The following HCRTR2 variants were observed in gnomAD, a reference collection of about 807,000 sequenced individuals.
The protein encoded by HCRTR2 is hypocretin receptor 2.
In HCRTR2, 22 loss-of-function variants were observed where a neutral mutation model predicts 49.0. The ratio of observed to expected loss-of-function variants is 0.45; its 90% CI spans 0.32 to 0.64. HCRTR2 has a LOEUF of 0.64. Ranked by LOEUF, HCRTR2 falls within the 30% of genes least tolerant of loss-of-function variation. HCRTR2 has a pLI of 0.04. For missense variants in HCRTR2, 491 were observed against 559.4 expected, an observed-to-expected ratio of 0.88 and a Z score of 1.23; for synonymous variants, 236 against 205.3, an observed-to-expected ratio of 1.15 and a Z score of -1.28.
At chr6:55,233,637 A>G (rs1258993581) in intron 1 of HCRTR2, among the ~76,000 whole-genome samples, 2 of 152,104 alleles carry the variant, frequency 1.3e-5, no homozygotes, top group Non-Finnish European at 2.9e-5. Flanking sequence ...AGAGGTTACA[A>G]TGAGGGAGGA....
intron 6 of HCRTR2, among the ~76,000 whole-genome samples, chr6:55,281,286 T>C (rs561099920): frequency 3.9e-5 from 6 of 152,254 alleles, no homozygotes; most frequent in African/African-American, 1.2e-4. Context: ...ACAAATTAGA[T>C]TGATGAGAAA....
chr6:55,129,533 C>A (rs555102944), intron 1 of HCRTR2, among the ~76,000 whole-genome samples: 3 of 152,190 alleles, frequency 2.0e-5, no homozygotes, highest in South Asian at 4.1e-4. Context: ...CAGTATTAGT[C>A]ATAAAAACTA....
At chr6:55,135,862 G>A (rs9464198) in intron 1 of HCRTR2, among the ~76,000 whole-genome samples, 1,725 of 152,192 alleles carry the variant, frequency 0.011, 38 homozygotes, top group African/African-American at 0.039. Flanking sequence ...CCGCAGTAGC[G>A]TTGCTTATTC....
chr6:55,254,392 T>C (rs183044838), intron 2 of HCRTR2, among the ~76,000 whole-genome samples: 13 of 152,254 alleles, frequency 8.5e-5, no homozygotes, highest in Admixed American at 7.9e-4. Flanking sequence ...AATTTTTTGT[T>C]GTTGTTATTT....
chr6:55,177,240 G>GCCTT (rs1311352216), intron 1 of HCRTR2, among the ~76,000 whole-genome samples: 2 of 152,178 alleles, frequency 1.3e-5, no homozygotes, highest in African/African-American at 4.8e-5. Context: ...TAAAGAAACT[G>GCCTT]ACAGCTATTT....
In HCRTR2 at chr6:55,257,833, C is replaced by T. The variant is rs114341432; in HGVS notation, c.646+2454C>T. Among the ~76,000 whole-genome samples the T allele has an allele frequency of 2.0e-3, 309 of 151,818 alleles. 2 individuals are homozygous for T. The highest frequency in any genetic ancestry group is 7.1e-3 in the African/African-American group (296 of 41,504). On this transcript the variant is annotated intron_variant, in intron 3 of 6. Transcript: ENST00000370862. ...TTTTATAATAGCCTATAATTAAATG[C>T]TTGTAAAGACTAAAATTAAGTATTA...
intron 1 of HCRTR2, among the ~76,000 whole-genome samples, chr6:55,213,047 C>T (rs192755037): frequency 7.3e-4 from 109 of 150,326 alleles, no homozygotes; most frequent in Admixed American, 3.1e-3. Flanking sequence ...CTCTCAAGGG[C>T]GAGAAGAAAG....
At chr6:55,266,030 A>G (rs918465283) in intron 4 of HCRTR2, among the ~76,000 whole-genome samples, 2 of 152,160 alleles carry the variant, frequency 1.3e-5, no homozygotes, top group African/African-American at 4.8e-5. Flanking sequence ...GCCTAAAACA[A>G]AACAAAACAA....
chr6:55,127,965 G>GT (rs1296679380), intron 1 of HCRTR2, among the ~76,000 whole-genome samples: 1 of 152,140 alleles, frequency 6.6e-6, no homozygotes, highest in African/African-American at 2.4e-5. Context: ...TGTTGCAATT[G>GT]TTTTTGGCAT....
At chr6:55,132,490 C>T (rs543838084) in intron 1 of HCRTR2, among the ~76,000 whole-genome samples, 14 of 151,928 alleles carry the variant, frequency 9.2e-5, no homozygotes, top group South Asian at 4.1e-4. Flanking sequence ...TCCTGGAGTA[C>T]GTTAACAGCA....
intron 1 of HCRTR2, among the ~76,000 whole-genome samples, chr6:55,127,925 A>T (rs1413518845): frequency 6.6e-6 from 1 of 152,134 alleles, no homozygotes; most frequent in Non-Finnish European, 1.5e-5. Flanking sequence ...TCTTTAGTTT[A>T]ATTAGATCCA....
At chr6:55,192,205 T>C (rs2127278942) in intron 1 of HCRTR2, among the ~76,000 whole-genome samples, 1 of 152,284 alleles carries the variant, frequency 6.6e-6, no homozygotes, top group Middle Eastern at 3.4e-3. Flanking sequence ...CAAATTTTAA[T>C]CTTTTGTTTT....
At chr6:55,161,147 T>C (rs1764800382) in intron 1 of HCRTR2, among the ~76,000 whole-genome samples, 5 of 152,058 alleles carry the variant, frequency 3.3e-5, no homozygotes, top group Admixed American at 3.3e-4. Flanking sequence ...CAGACCACAG[T>C]GCAATCAAAT....
At chr6:55,187,389 G>T (rs1765234709) in intron 1 of HCRTR2, among the ~76,000 whole-genome samples, 1 of 116,186 alleles carries the variant, frequency 8.6e-6, no homozygotes, top group South Asian at 2.9e-4. Context: ...CTCTGGCCTG[G>T]TGACAGAGTG....
chr6:55,234,570 G>A (rs1766179052), intron 1 of HCRTR2, among the ~76,000 whole-genome samples: 1 of 152,094 alleles, frequency 6.6e-6, no homozygotes, highest in African/African-American at 2.4e-5. Context: ...TAAAACTTCT[G>A]TAAGATAATG....
chr6:55,251,560 A>AG (rs1170156777), intron 2 of HCRTR2, among the ~76,000 whole-genome samples: 1 of 152,028 alleles, frequency 6.6e-6, no homozygotes, highest in African/African-American at 2.4e-5. Context: ...AGAAAATGCC[A>AG]GAAAAAAAAG....
At chr6:55,160,453 A>G (rs1196066371) in intron 1 of HCRTR2, among the ~76,000 whole-genome samples, 1 of 152,204 alleles carries the variant, frequency 6.6e-6, no homozygotes, top group East Asian at 1.9e-4. Context: ...ACCAGCTAGC[A>G]TTATAATGAC....
chr6:55,275,580 A>G (rs1011449194), intron 4 of HCRTR2, among the ~76,000 whole-genome samples: 1 of 150,698 alleles, frequency 6.6e-6, no homozygotes, highest in Non-Finnish European at 1.5e-5. Flanking sequence ...GATTTCAGGG[A>G]CCATAGCTTT....
chr6:55,116,817 G>T (rs979296239), intron 1 of HCRTR2, among the ~76,000 whole-genome samples: 1 of 151,490 alleles, frequency 6.6e-6, no homozygotes. Context: ...AGCTCCAAGT[G>T]ACTAAGTTGG....
Sources: allele counts gnomAD v4.1 joint callset (sites outside exome capture counted in the v4.1 genomes callset), GRCh38; gene constraint gnomAD v4.1.1; transcripts MANE v1.5; gene names NCBI Gene and HGNC (gene_info 2026-07-23, HGNC 2026-07-21).